Variants in PCDHGA6 observed in about 807,000 individuals in gnomAD.
The protein encoded by PCDHGA6 is protocadherin gamma-A6.
PCDHGA6 carries 41 observed loss-of-function variants against 60.6 expected under a neutral mutation model. That is an observed-to-expected ratio of 0.68 (90% CI 0.53 to 0.88). The LOEUF is 0.88. Ranked by LOEUF, PCDHGA6 falls within the 40% of genes least tolerant of loss-of-function variation. The probability of loss-of-function intolerance (pLI) is 0.00; values close to 1 mark genes in which losing one functional copy is unlikely to be tolerated. For missense variants in PCDHGA6, 1,312 were observed against 1,203.0 expected, an observed-to-expected ratio of 1.09 and a Z score of -1.34; for synonymous variants, 594 against 524.4, an observed-to-expected ratio of 1.13 and a Z score of -1.81.
intron 1 of PCDHGA6, chr5:141,468,629 G>A (rs1170355107): frequency 1.3e-5 from 2 of 152,140 alleles, no homozygotes; most frequent in African/African-American, 4.8e-5. Flanking sequence ...CACTTTGGGA[G>A]GCCGAGGTGG....
chr5:141,387,721 C>A, intron 1 of PCDHGA6: 2 of 1,151,790 alleles, frequency 1.7e-6, no homozygotes, highest in Non-Finnish European at 2.4e-6. Context: ...CTCAGACTCC[C>A]CAGCGCCAGC....
At chr5:141,421,417 G>A (rs1188564125) in intron 1 of PCDHGA6, 2 of 1,613,950 alleles carry the variant, frequency 1.2e-6, no homozygotes, top group Non-Finnish European at 1.7e-6. Context: ...GGCGAAGCGC[G>A]GAGTCCGCAT....
chr5:141,382,838 A>G, intron 1 of PCDHGA6: 2 of 1,445,878 alleles, frequency 1.4e-6, no homozygotes, highest in Non-Finnish European at 1.9e-6. Context: ...GTCCACCCGG[A>G]TACACCCGCA....
chr5:141,511,632 G>A lies in PCDHGA6; in HGVS notation c.*459G>A, dbSNP rs1388627906. The A allele has an allele frequency of 8.6e-6, 2 of 231,934 alleles. No homozygotes were observed. The highest frequency in any genetic ancestry group is 5.1e-5 in the Admixed American group (1 of 19,634). 14.4% of individuals were successfully genotyped at this position (231,934 alleles called of 1,614,324 possible). A position where few individuals can be genotyped will look rare whatever the true frequency, so the allele number is the denominator to read the frequency against. On this transcript the variant is annotated 3_prime_UTR_variant, in exon 4 of 4. Transcript: ENST00000517434. ...CCTCCTAGTTCTGAAAAGTTGGAAG[G>A]GCATCATGACCTCTTGGCCTCTCCT...
At chr5:141,494,654 G>A in intron 1 of PCDHGA6, 153 bp from the exon 2 acceptor site, 1 of 966,640 alleles carries the variant, frequency 1.0e-6, no homozygotes, top group South Asian at 4.8e-5. Context: ...GGTGTATTTT[G>A]TCTTTGGAGA....
At chr5:141,386,097 T>C (rs1216816786) in intron 1 of PCDHGA6, 9 of 152,236 alleles carry the variant, frequency 5.9e-5, no homozygotes, top group African/African-American at 2.2e-4. Flanking sequence ...AGATGAAGTG[T>C]GTCTGTGGGC....
rs148798222 is a variant in PCDHGA6, at chr5:141,432,106, G to A, written c.2424+55599G>A. On this transcript the variant is annotated intron_variant, in intron 1 of 3. Coordinates refer to ENST00000517434, the MANE Select transcript of PCDHGA6 (RefSeq NM_018919.3). This position sits in a 1 kb window ranked among gnomAD's most constrained non-coding sequence, Gnocchi z 6.0. The stretch of plus-strand genomic sequence containing the variant: ...ACGTGGCAGACACCAACGACAACCC[G>A]CCGGTCTTCCCTCAGGCCTCCTATT... 4 of 1,614,068 alleles carry A rather than the reference G, an allele frequency of 2.5e-6. No homozygotes were observed. Among genetic ancestry groups the A allele is most frequent in the Non-Finnish European group, 3.4e-6 (4 of 1,180,020 alleles).
Position 141,377,593 on chromosome 5 carries a change from C to T in PCDHGA6, c.2424+1086C>T, listed in dbSNP as rs923684056. 2.8e-4 allele frequency: 40 copies of T among 144,542 alleles called. 1 individual carries two copies. The highest frequency in any genetic ancestry group is 4.7e-4 in the African/African-American group (18 of 38,630). 9.0% of individuals were successfully genotyped at this position (144,542 alleles called of 1,614,324 possible). On this transcript the variant is annotated intron_variant, in intron 1 of 3. Transcript: ENST00000517434. ...CCTGGGAGACAGAATGAGACTTTTT[C>T]TCTCTCTCTCTCAAAAAAAAAAAAA...
chr5:141,485,134 C>G lies in PCDHGA6; in HGVS notation c.2425-9673C>G, dbSNP rs967744072. 1.3e-6 allele frequency: 2 copies of G among 1,495,962 alleles called. No individual in the cohort carries two copies. Among genetic ancestry groups the G allele is most frequent in the South Asian group, 2.4e-5 (2 of 84,482 alleles). 92.7% of individuals were successfully genotyped at this position (1,495,962 alleles called of 1,614,324 possible). ...CTGTTTGGGGCGGGTCGGCTTCATC[C>G]GCGTCTCAGGAGCAAGTAGAGAATT... On this transcript the variant is annotated intron_variant, in intron 1 of 3. Transcript: ENST00000517434. The surrounding 1 kb of genome is among the most constrained non-coding windows in gnomAD (Gnocchi z 5.7).
rs1353509218 is a variant in PCDHGA6, at chr5:141,512,908, TTTATACTC to T, written c.*1737_*1744del. ...CCCTCTTCCTGTGTCTCACGCAAGTTTTATACTCTAATATTTATATGGCTTTTTTTCTT... is the reference window on the plus strand; with the variant it reads ...CCCTCTTCCTGTGTCTCACGCAAGTTTAATATTTATATGGCTTTTTTTCTT... On this transcript the variant is annotated 3_prime_UTR_variant, in exon 4 of 4. Transcript: ENST00000517434. 6.6e-6 allele frequency: 1 copy of T among 152,268 alleles called. No individual in the cohort carries two copies. Among genetic ancestry groups the T allele is most frequent in the Non-Finnish European group, 1.5e-5 (1 of 68,054 alleles). 9.4% of individuals were successfully genotyped at this position (152,268 alleles called of 1,614,324 possible).
chr5:141,458,413 G>T lies in PCDHGA6; in HGVS notation c.2425-36394G>T, dbSNP rs138479316. On this transcript the variant is annotated intron_variant, in intron 1 of 3. Coordinates refer to ENST00000517434, the MANE Select transcript of PCDHGA6 (RefSeq NM_018919.3). ...TCCCCCTTGCAGAGACGGAGCGGGG[G>T]TTCCAAAGCTGAAAGAGGAGGTCCC... Among the ~76,000 whole-genome samples the T allele has an allele frequency of 9.0e-4, 137 of 152,196 alleles. 5 individuals carry two copies. The East Asian group carries it at 0.026, about 28-fold the overall frequency.
intron 1 of PCDHGA6, chr5:141,423,492 C>T (rs2154550191): frequency 1.2e-6 from 2 of 1,613,972 alleles, no homozygotes; most frequent in East Asian, 4.5e-5. Context: ...AAACCTATTC[C>T]CACGAGGTCT....
chr5:141,437,664 A>G (rs10035418), intron 1 of PCDHGA6, among the ~76,000 whole-genome samples: 45,525 of 151,942 alleles, frequency 0.3, 8,040 homozygotes, highest in African/African-American at 0.5. Context: ...AGTTTCGAAG[A>G]GATGTTGATC....
At chr5:141,412,189 T>C (rs560869081) in intron 1 of PCDHGA6, 21 of 152,370 alleles carry the variant, frequency 1.4e-4, no homozygotes, top group Admixed American at 1.2e-3. Context: ...AATGCTCTGA[T>C]GAAAACAGGT....
intron 1 of PCDHGA6, chr5:141,415,696 G>A (rs867312295): frequency 2.9e-6 from 4 of 1,397,470 alleles, no homozygotes; most frequent in Non-Finnish European, 3.8e-6. Flanking sequence ...GGTGGAAAGT[G>A]TAAATGCTAA....
intron 1 of PCDHGA6, chr5:141,392,953 A>T: frequency 6.2e-7 from 1 of 1,613,924 alleles, no homozygotes; most frequent in Non-Finnish European, 8.5e-7. Context: ...TTCGTGGGTA[A>T]TATCTCCAAG....
chr5:141,403,685 C>A, intron 1 of PCDHGA6: 1 of 1,613,822 alleles, frequency 6.2e-7, no homozygotes, highest in Non-Finnish European at 8.5e-7. Flanking sequence ...TTTTGCTCAA[C>A]GGATTTACCG....
rs547854431 is a variant in PCDHGA6, at chr5:141,476,383, C to A, written c.2425-18424C>A. 1.2e-6 allele frequency: 2 copies of A among 1,614,102 alleles called. No homozygotes were observed. Among genetic ancestry groups the A allele is most frequent in the African/African-American group, 1.3e-5 (1 of 75,014 alleles). On this transcript the variant is annotated intron_variant, in intron 1 of 3. Transcript: ENST00000517434. The surrounding 1 kb of genome is among the most constrained non-coding windows in gnomAD (Gnocchi z 7.6). ...GGGAGACCGGAGAGATGTTTGTGAA[C>A]GACCGTCTGGATCGAGAGGAGCTGT...
In PCDHGA6 at chr5:141,374,228, G is replaced by A. The variant is rs776875063; in HGVS notation, c.145G>A (p.Val49Ile). Residue 49 changes from valine to isoleucine, a missense_variant, in exon 1 of 4, where the codon GTC becomes ATC. Coordinates refer to ENST00000517434, the MANE Select transcript of PCDHGA6 (RefSeq NM_018919.3). Reference protein sequence around the residue: ...LEKGSFVGNIVKDLGLEPQEL... With the variant: ...LEKGSFVGNIIKDLGLEPQEL... ...GAAAGGCTCCTTCGTAGGCAACATC[G>A]TCAAGGATCTGGGACTGGAGCCCCA... The A allele has an allele frequency of 3.1e-6, 5 of 1,613,988 alleles. No homozygotes were observed. In the South Asian group the frequency reaches 3.3e-5, roughly 11 times the overall value.
Sources: allele counts gnomAD v4.1 joint callset (sites outside exome capture counted in the v4.1 genomes callset), GRCh38; gene constraint gnomAD v4.1.1; non-coding constraint Gnocchi (gnomAD v3.1); transcripts MANE v1.5; gene names NCBI Gene and HGNC (gene_info 2026-07-23, HGNC 2026-07-21).